UGT2B4: variants seen among roughly 807,000 people sequenced by gnomAD.
UGT2B4 encodes the protein UDP-glucuronosyltransferase 2B4.
A neutral mutation model predicts 49.8 loss-of-function variants in UGT2B4; 49 were observed. That is an observed-to-expected ratio of 0.98 (90% CI 0.78 to 1.25). The LOEUF (loss-of-function observed/expected upper bound fraction) is 1.25, where lower values mean the gene tolerates loss of function less well. Among genes scored for constraint, UGT2B4 ranks in the 50% most tolerant of loss-of-function variants. The probability of loss-of-function intolerance (pLI) is 0.00; values close to 1 mark genes in which losing one functional copy is unlikely to be tolerated. For synonymous variants in UGT2B4, 246 were observed against 217.7 expected (o/e 1.13, Z -1.14); for missense variants, 729 against 627.7 (o/e 1.16, Z -1.73).
chr4:69,488,474 C>T (rs1224893060), intron 3 of UGT2B4, among the ~76,000 whole-genome samples: 1 of 151,852 alleles, frequency 6.6e-6, no homozygotes, highest in African/African-American at 2.4e-5. Flanking sequence ...GAGTTTTTGG[C>T]AAAATATTAG....
At chr4:69,498,377 T>C (rs1728217897), upstream of UGT2B4, among the ~76,000 whole-genome samples, 1 of 152,128 alleles carries the variant, frequency 6.6e-6, no homozygotes, top group African/African-American at 2.4e-5. Flanking sequence ...GAGAAACAGA[T>C]GGAGTGAGTA....
rs1174562221 is a variant in UGT2B4, at chr4:69,514,532, T to G, written c.-106+11155A>C. Among the ~76,000 whole-genome samples the G allele has an allele frequency of 2.6e-5, 4 of 152,314 alleles. No individual in the cohort carries two copies. In the East Asian group the frequency reaches 5.8e-4, roughly 22 times the overall value. ...GTGGGGAGAGAGGGCATCCTTGTCT[T>G]GGGCTGGTTTTCAAAGGAAAGCCTT... On this transcript the variant is annotated intron_variant, in intron 1 of 1. Transcript: ENST00000510114.
At chr4:69,520,835 C>A (rs1410483044) in intron 1 of UGT2B4, among the ~76,000 whole-genome samples, 2 of 152,152 alleles carry the variant, frequency 1.3e-5, no homozygotes, top group African/African-American at 2.4e-5. Context: ...CAGACAGACT[C>A]CTGGGCGGTA....
intron 1 of UGT2B4, among the ~76,000 whole-genome samples, chr4:69,507,493 C>T (rs140759843): frequency 9.2e-5 from 14 of 152,090 alleles, no homozygotes; most frequent in African/African-American, 3.4e-4. Flanking sequence ...AATAAAATAC[C>T]AAGGAATACA....
chr4:69,513,122 A>G lies in UGT2B4; in HGVS notation c.-106+12565T>C, dbSNP rs537859568. Among the ~76,000 whole-genome samples the G allele has an allele frequency of 2.0e-5, 3 of 152,202 alleles. No homozygotes were observed. The South Asian group carries it at 6.2e-4, about 32-fold the overall frequency. ...ATTTGCCAATTTTTGCTTTTGCTGC[A>G]ATTGATTTGGGTGTTTTCATCATAA... On this transcript the variant is annotated intron_variant, in intron 1 of 1. Coordinates refer to the UGT2B4 transcript ENST00000510114.
At chr4:69,495,907 T>C (rs1458584829), upstream of UGT2B4, 2 of 1,537,740 alleles carry the variant, frequency 1.3e-6, no homozygotes, top group Admixed American at 4.3e-5. Flanking sequence ...CTCCTTTCTG[T>C]CATTTCTCAT....
intron 1 of UGT2B4, among the ~76,000 whole-genome samples, chr4:69,519,253 G>T (rs2109833246): frequency 6.6e-6 from 1 of 152,132 alleles, no homozygotes; most frequent in South Asian, 2.1e-4. Flanking sequence ...GCCATGAATT[G>T]GCATATAAAA....
intron 3 of UGT2B4, 77 bp downstream of exon 3, chr4:69,489,362 T>G (rs1727908820): frequency 4.5e-6 from 7 of 1,572,876 alleles, no homozygotes; most frequent in Non-Finnish European, 5.2e-6. Flanking sequence ...GGCAGGAAGT[T>G]TCTACAATTG....
intron 1 of UGT2B4, among the ~76,000 whole-genome samples, chr4:69,525,250 T>G (rs1336962106): frequency 6.6e-6 from 1 of 152,110 alleles, no homozygotes; most frequent in African/African-American, 2.4e-5. Context: ...ATGATTAAAA[T>G]GTATATTAGT....
intron 3 of UGT2B4, among the ~76,000 whole-genome samples, 186 bp downstream of exon 3, chr4:69,489,253 A>G (rs2109808397): frequency 6.6e-6 from 1 of 152,272 alleles, no homozygotes; most frequent in Non-Finnish European, 1.5e-5. Context: ...ATTACCAATG[A>G]AAAACACCTT....
At chr4:69,505,826 T>G (rs994733088) in intron 1 of UGT2B4, among the ~76,000 whole-genome samples, 1 of 152,170 alleles carries the variant, frequency 6.6e-6, no homozygotes, top group Non-Finnish European at 1.5e-5. Flanking sequence ...GAAACACTCT[T>G]TAGAAAACAC....
intron 1 of UGT2B4, among the ~76,000 whole-genome samples, chr4:69,519,465 A>T (rs1324764753): frequency 2.0e-5 from 3 of 152,202 alleles, no homozygotes; most frequent in Non-Finnish European, 4.4e-5. Flanking sequence ...AAGATAGGGA[A>T]TGAGTAGCAT....
chr4:69,507,631 A>G (rs114895782), intron 1 of UGT2B4, among the ~76,000 whole-genome samples: 169 of 152,078 alleles, frequency 1.1e-3, no homozygotes, highest in African/African-American at 3.8e-3. Flanking sequence ...AATATTGTTA[A>G]GATGGCCATA....
At chr4:69,482,780 T>G (rs747574496) in intron 5 of UGT2B4, among the ~76,000 whole-genome samples, 2 of 151,874 alleles carry the variant, frequency 1.3e-5, no homozygotes, top group African/African-American at 2.4e-5. Flanking sequence ...CTAATTTTAG[T>G]ATTTTTAGCA....
At chr4:69,481,708 C>A (rs1016123526) in intron 5 of UGT2B4, among the ~76,000 whole-genome samples, 1 of 152,100 alleles carries the variant, frequency 6.6e-6, no homozygotes, top group African/African-American at 2.4e-5. Flanking sequence ...CGTATAAAAT[C>A]ATGGTCAGCA....
intron 1 of UGT2B4, among the ~76,000 whole-genome samples, chr4:69,514,258 GC>G (rs2109829920): frequency 1.3e-5 from 2 of 152,068 alleles, no homozygotes; most frequent in South Asian, 4.1e-4. Flanking sequence ...CCCACGACAG[GC>G]CCCAGTGTGT....
chr4:69,506,553 C>A (rs1023240992), intron 1 of UGT2B4, among the ~76,000 whole-genome samples: 2 of 152,084 alleles, frequency 1.3e-5, no homozygotes, highest in African/African-American at 4.8e-5. Flanking sequence ...AGACCAATAA[C>A]AAGTTCTAAA....
rs1553896673 is a variant in UGT2B4, at chr4:69,502,118, T to TTTCTTTCTTTCTTTCTTTCTTTC, written c.-105-6175_-105-6153dup. Among the ~76,000 whole-genome samples the TTTCTTTCTTTCTTTCTTTCTTTC allele has an allele frequency of 6.5e-3, 885 of 135,776 alleles. 16 individuals carry two copies. The highest frequency in any genetic ancestry group is 0.011 in the Middle Eastern group (3 of 272). The allele number at this position is 135,776 out of a possible 152,430, so 89.1% of individuals were successfully genotyped here. Reference sequence around the variant, plus strand: ...CTTTCTTTCTTTCTTTCTTTCTTTCTTTCTTTCTTTCTTTCTTTCTTTCTT... The same window carrying TTTCTTTCTTTCTTTCTTTCTTTC: ...CTTTCTTTCTTTCTTTCTTTCTTTCTTTCTTTCTTTCTTTCTTTCTTTCTTCTTTCTTTCTTTCTTTCTTTCTT... On this transcript the variant is annotated intron_variant, in intron 1 of 1. Coordinates refer to the UGT2B4 transcript ENST00000510114.
Position 69,495,186 on chromosome 4 carries a change from T to A in UGT2B4, c.676A>T (p.Ile226Leu), listed in dbSNP as rs145361667. The A allele has an allele frequency of 4.0e-5, 63 of 1,584,300 alleles. No homozygotes were observed. The African/African-American group carries it at 7.6e-4, about 19-fold the overall frequency. Residue 226 changes from isoleucine to leucine, a missense_variant, in exon 1 of 6, where the codon ATA becomes TTA. Coordinates refer to ENST00000305107, the MANE Select transcript of UGT2B4 (RefSeq NM_021139.3). ...YVLYFEFWFQIFDMKKWDQFY... is the reference protein window; with the variant it reads ...YVLYFEFWFQLFDMKKWDQFY... Reference sequence around the variant, plus strand: ...TGATCCCACTTCTTCATGTCAAATATTTGGAACCAAAATTCAAAATAAAGC... The same window carrying A: ...TGATCCCACTTCTTCATGTCAAATAATTGGAACCAAAATTCAAAATAAAGC...
Sources: gnomAD v4.1 joint callset for allele counts (sites outside exome capture counted in the v4.1 genomes callset) on GRCh38, gnomAD v4.1.1 for gene constraint, MANE v1.5 for transcripts, NCBI Gene and HGNC (gene_info 2026-07-23, HGNC 2026-07-21) for gene names.